The following TRAPPC12 variants were observed in gnomAD, a reference collection of about 807,000 sequenced individuals.
TRAPPC12 encodes the protein TPR repeat protein 15.
Under a neutral mutation model 69.2 loss-of-function variants are expected in TRAPPC12, and 61 were observed. That is an observed-to-expected ratio of 0.88 (90% CI 0.72 to 1.09). The LOEUF (loss-of-function observed/expected upper bound fraction) is 1.09, where lower values mean the gene tolerates loss of function less well. Ranked by LOEUF, TRAPPC12 falls within the 50% of genes least tolerant of loss-of-function variation. The pLI is 0.00. For missense variants in TRAPPC12, 1,101 were observed against 1,016.4 expected, an observed-to-expected ratio of 1.08 and a Z score of -1.13; for synonymous variants, 469 against 438.9, an observed-to-expected ratio of 1.07 and a Z score of -0.86.
intron 4 of TRAPPC12, among the ~76,000 whole-genome samples, chr2:3,422,633 A>C (rs541925876): frequency 6.5e-4 from 99 of 152,318 alleles, no homozygotes; most frequent in Middle Eastern, 3.4e-3. Context: ...TGAAAGGAGC[A>C]GCTCTGGGGA....
In TRAPPC12 at chr2:3,387,653, C is replaced by A; in HGVS notation, c.30C>A (p.Thr10=). The A allele has an allele frequency of 6.5e-7, 1 of 1,547,386 alleles. No individual in the cohort carries two copies. Among genetic ancestry groups the A allele is most frequent in the Non-Finnish European group, 8.7e-7 (1 of 1,144,328 alleles). The change falls in exon 2 of 12, where the codon ACC becomes ACA. Residue 10 remains threonine (T), a synonymous_variant. Coordinates refer to ENST00000324266, the MANE Select transcript of TRAPPC12 (RefSeq NM_016030.6). ...AGGACGCTGGCGGCGGCGAGGAGACCCCGGCCCCGGAGGCCCCGCACCCCC... is the reference window on the plus strand; with the variant it reads ...AGGACGCTGGCGGCGGCGAGGAGACACCGGCCCCGGAGGCCCCGCACCCCC... The part of the protein sequence containing the change: MEDAGGGEE[T]PAPEAPHPPQ...
At position 3,420,039 on chromosome 2, in the gene TRAPPC12, G is replaced by A. The variant is rs1443819657; in HGVS notation, c.1165-1842G>A. On this transcript the variant is annotated intron_variant, in intron 3 of 11. Coordinates refer to ENST00000324266, the MANE Select transcript of TRAPPC12 (RefSeq NM_016030.6). Reference sequence around the variant, plus strand: ...CCTGGATATTTCACCCAGTTATGCCGAATGCTTATATCCACACAAGAATCT... The same window carrying A: ...CCTGGATATTTCACCCAGTTATGCCAAATGCTTATATCCACACAAGAATCT... 3.9e-5 allele frequency among the ~76,000 whole-genome samples: 6 copies of A among 152,326 alleles called. No homozygotes were observed. The South Asian group carries it at 6.2e-4, about 16-fold the overall frequency.
At chr2:3,478,758 T>C (rs1177707648) in intron 10 of TRAPPC12, 88 bp from the exon 11 acceptor site, 2 of 1,169,740 alleles carry the variant, frequency 1.7e-6, no homozygotes, top group Non-Finnish European at 2.5e-6. Flanking sequence ...GCTGGGTCTC[T>C]GTGGGATCCA....
rs1328934674 is a variant in TRAPPC12 at position 3,401,769 on chromosome 2, C to T, written c.1048-8C>T. ...TGTCTTGACATATTTTTCTTCTATTCTTCCCAGGGAGATGCAGTTAAAGAC... is the reference window on the plus strand; with the variant it reads ...TGTCTTGACATATTTTTCTTCTATTTTTCCCAGGGAGATGCAGTTAAAGAC... On this transcript the variant is annotated splice_region_variant and splice_polypyrimidine_tract_variant and intron_variant, in intron 2 of 11. Transcript: ENST00000324266. The T allele has an allele frequency of 1.3e-6, 2 of 1,543,676 alleles. No individual in the cohort carries two copies. The highest frequency in any genetic ancestry group is 2.3e-5 in the East Asian group (1 of 42,904).
rs184735103 is a variant in TRAPPC12, at chr2:3,449,800, G to A, written c.1530+5909G>A. Reference sequence around the variant, plus strand: ...CGTGCCTGACCCAGAGGGTTTGGTTGCCCTTCTTTTCTGCTGCTTCCACAG... The same window carrying A: ...CGTGCCTGACCCAGAGGGTTTGGTTACCCTTCTTTTCTGCTGCTTCCACAG... On this transcript the variant is annotated intron_variant, in intron 6 of 11. Coordinates refer to ENST00000324266, the MANE Select transcript of TRAPPC12 (RefSeq NM_016030.6). Among the ~76,000 whole-genome samples, 263 of 152,262 alleles carry A rather than the reference G, an allele frequency of 1.7e-3. 2 individuals carry two copies. Among genetic ancestry groups the A allele is most frequent in the African/African-American group, 6.0e-3 (249 of 41,552 alleles).
intron 5 of TRAPPC12, among the ~76,000 whole-genome samples, chr2:3,443,540 G>C (rs890340560): frequency 7.2e-5 from 11 of 152,178 alleles, no homozygotes; most frequent in Admixed American, 5.2e-4. Flanking sequence ...GTGTAGCTTT[G>C]GAAATTGTGG....
intron 5 of TRAPPC12, among the ~76,000 whole-genome samples, chr2:3,434,370 T>C (rs1310982451): frequency 6.6e-6 from 1 of 152,242 alleles, no homozygotes; most frequent in Non-Finnish European, 1.5e-5. Flanking sequence ...TTCTTTCTGA[T>C]TTAATTCCCT....
Position 3,388,142 on chromosome 2 carries a change from C to A in TRAPPC12, c.519C>A (p.Asp173Glu). 6.3e-7 allele frequency: 1 copy of A among 1,598,914 alleles called. No individual in the cohort carries two copies. The highest frequency in any genetic ancestry group is 8.5e-7 in the Non-Finnish European group (1 of 1,174,448). ...FSQRAPPASG[D>E]GFEPQMVKSP... ...AGCGCGCGCCCCCAGCCTCCGGGGA[C>A]GGCTTCGAGCCGCAGATGGTGAAGT... is the stretch of plus-strand genomic sequence containing the variant. The change falls in exon 2 of 12, where the codon GAC (aspartate) becomes GAA (glutamate). Residue 173 changes from aspartate to glutamate, a missense_variant. Transcript: ENST00000324266.
chr2:3,450,911 C>A (rs764456784), intron 6 of TRAPPC12, among the ~76,000 whole-genome samples: 2 of 152,084 alleles, frequency 1.3e-5, no homozygotes, highest in African/African-American at 4.8e-5. Context: ...AAGGGACAGA[C>A]GCAAAGGCTC....
chr2:3,445,418 C>T (rs1158525541), intron 6 of TRAPPC12, among the ~76,000 whole-genome samples: 1 of 152,132 alleles, frequency 6.6e-6, no homozygotes, highest in Non-Finnish European at 1.5e-5. Flanking sequence ...TACAGTGTAA[C>T]GATGAGAGGA....
At chr2:3,388,877 CAGAG>C (rs893494725) in intron 2 of TRAPPC12, 81 of 507,478 alleles carry the variant, frequency 1.6e-4, no homozygotes, top group African/African-American at 1.3e-3. Context: ...GACTGCTACT[CAGAG>C]AGGTAGAAAT....
intron 3 of TRAPPC12, among the ~76,000 whole-genome samples, chr2:3,411,468 A>G (rs1040160846): frequency 6.6e-6 from 1 of 152,240 alleles, no homozygotes; most frequent in Non-Finnish European, 1.5e-5. Context: ...GAAAAACTGA[A>G]AAAAAGATTG....
chr2:3,388,291 T>C lies in TRAPPC12; in HGVS notation c.668T>C (p.Phe223Ser). The C allele has an allele frequency of 6.2e-7, 1 of 1,607,730 alleles. No homozygotes were observed. Residue 223 changes from phenylalanine to serine, a missense_variant, in exon 2 of 12, where the codon TTC (phenylalanine) becomes TCC (serine). By Grantham distance (155) the Phe-to-Ser change is radical. Transcript: ENST00000324266. ...GCCAGCCACTCCTTGGCCTCGGACT[T>C]CTTCGACTCCTTTACTACCTCCGCC... ...TAASHSLASDFFDSFTTSAFI... is the reference protein window; with the variant it reads ...TAASHSLASDSFDSFTTSAFI...
At position 3,387,669 on chromosome 2, in the gene TRAPPC12, C is replaced by T. The variant is rs1032296859; in HGVS notation, c.46C>T (p.Pro16Ser). ...CGAGGAGACCCCGGCCCCGGAGGCC[C>T]CGCACCCCCCTCAGCTCGCGCCTCC... Reference protein sequence around the residue: ...GGEETPAPEAPHPPQLAPPEE... With the variant: ...GGEETPAPEASHPPQLAPPEE... The change falls in exon 2 of 12, where the codon CCG (proline) becomes TCG (serine). Residue 16 changes from proline to serine, a missense_variant. Pro to Ser is a moderately conservative substitution (Grantham distance 74). Transcript: ENST00000324266. 2 of 1,553,360 alleles carry T rather than the reference C, an allele frequency of 1.3e-6. No individual in the cohort carries two copies. Among genetic ancestry groups the T allele is most frequent in the Non-Finnish European group, 1.7e-6 (2 of 1,148,310 alleles).
chr2:3,426,854 G>T (rs1663133172), intron 5 of TRAPPC12, among the ~76,000 whole-genome samples: 1 of 152,220 alleles, frequency 6.6e-6, no homozygotes, highest in Non-Finnish European at 1.5e-5. Flanking sequence ...CTCATGAGTT[G>T]GAGAGATACA....
intron 5 of TRAPPC12, among the ~76,000 whole-genome samples, chr2:3,428,875 T>C (rs1366450005): frequency 1.3e-5 from 2 of 152,214 alleles, no homozygotes; most frequent in Non-Finnish European, 2.9e-5. Flanking sequence ...TAGCACTGAC[T>C]CTGACCTGGG....
intron 1 of TRAPPC12, 58 bp from the exon 2 acceptor site, chr2:3,387,562 T>G (rs1372895261): frequency 7.6e-7 from 1 of 1,323,114 alleles, no homozygotes; most frequent in Non-Finnish European, 1.0e-6. Context: ...ATACTCATTT[T>G]TCGGTTGAGG....
rs898043722 is a variant in TRAPPC12, at chr2:3,414,729, C to T, written c.1165-7152C>T. Among the ~76,000 whole-genome samples the T allele has an allele frequency of 7.9e-5, 12 of 152,136 alleles. No individual in the cohort carries two copies. Among genetic ancestry groups the T allele is most frequent in the Admixed American group, 3.9e-4 (6 of 15,280 alleles). On this transcript the variant is annotated intron_variant, in intron 3 of 11. Coordinates refer to ENST00000324266, the MANE Select transcript of TRAPPC12 (RefSeq NM_016030.6). This position sits in a 1 kb window ranked among gnomAD's most constrained non-coding sequence, Gnocchi z 4.9. ...CCCCGCGAGGGACACCATTCCCCGTCGTTGACGTGCATTCCTCTTGTTCAT... is the reference window on the plus strand; with the variant it reads ...CCCCGCGAGGGACACCATTCCCCGTTGTTGACGTGCATTCCTCTTGTTCAT...
rs555470997 is a variant in TRAPPC12, at chr2:3,419,062, C to T, written c.1165-2819C>T. Among the ~76,000 whole-genome samples the T allele has an allele frequency of 9.2e-5, 14 of 152,308 alleles. No homozygotes were observed. The East Asian group carries it at 1.9e-3, about 21-fold the overall frequency. The stretch of plus-strand genomic sequence containing the variant: ...TCCCTGTGCCCCCCATGCCTGCTCT[C>T]GCCTTGTTTTGCACACATTCTGTCC... On this transcript the variant is annotated intron_variant, in intron 3 of 11. Transcript: ENST00000324266.
Sources: gnomAD v4.1 joint callset for allele counts (sites outside exome capture counted in the v4.1 genomes callset) on GRCh38, gnomAD v4.1.1 for gene constraint, Gnocchi (gnomAD v3.1) non-coding constraint, MANE v1.5 for transcripts, NCBI Gene and HGNC (gene_info 2026-07-23, HGNC 2026-07-21) for gene names.